ZDHHC14: variants seen among roughly 807,000 people sequenced by gnomAD.
The protein encoded by ZDHHC14 is zDHHC palmitoyltransferase 14, also known as palmitoyltransferase ZDHHC14.
In ZDHHC14, 16 loss-of-function variants were observed where a neutral mutation model predicts 47.7. The ratio of observed to expected loss-of-function variants is 0.34; its 90% CI spans 0.23 to 0.51. ZDHHC14 has a LOEUF of 0.51. ZDHHC14 is among the 20% of genes least tolerant of loss of function. ZDHHC14 has a pLI of 0.97. For synonymous variants in ZDHHC14, 293 were observed against 278.9 expected (o/e 1.05, Z -0.50); for missense variants, 515 against 662.5 (o/e 0.78, Z 2.44).
chr6:157,548,008 G>A (rs1172773068), intron 2 of ZDHHC14, among the ~76,000 whole-genome samples: 1 of 151,656 alleles, frequency 6.6e-6, no homozygotes, highest in Admixed American at 6.6e-5. Context: ...GTAGTCTACT[G>A]GCTGTGGTTG....
chr6:157,422,818 C>G (rs755118315), intron 1 of ZDHHC14, among the ~76,000 whole-genome samples: 3 of 152,136 alleles, frequency 2.0e-5, no homozygotes, highest in Non-Finnish European at 4.4e-5. Flanking sequence ...CCTTTTTATT[C>G]TGTATTTTAT....
At chr6:157,440,246 C>A (rs1270223887) in intron 1 of ZDHHC14, among the ~76,000 whole-genome samples, 1 of 151,768 alleles carries the variant, frequency 6.6e-6, no homozygotes, top group Non-Finnish European at 1.5e-5. Context: ...TAAAAATGGA[C>A]AAAAGGCTCA....
At chr6:157,515,308 T>G (rs1780642578) in intron 1 of ZDHHC14, among the ~76,000 whole-genome samples, 1 of 152,276 alleles carries the variant, frequency 6.6e-6, no homozygotes, top group East Asian at 1.9e-4. Context: ...CCGAATCTTT[T>G]CCATGGTCTT....
intron 8 of ZDHHC14, among the ~76,000 whole-genome samples, chr6:157,668,128 G>T (rs1342113237): frequency 6.6e-6 from 1 of 152,190 alleles, no homozygotes; most frequent in Non-Finnish European, 1.5e-5. Context: ...TAGATACTTA[G>T]GTGCCTGATG....
intron 1 of ZDHHC14, among the ~76,000 whole-genome samples, chr6:157,503,210 C>T (rs1780229211): frequency 6.6e-6 from 1 of 152,194 alleles, no homozygotes; most frequent in Non-Finnish European, 1.5e-5. Context: ...CACCGGCCAC[C>T]TTCCTCTCTG....
At chr6:157,583,806 C>T (rs1783596749) in intron 2 of ZDHHC14, among the ~76,000 whole-genome samples, 1 of 152,144 alleles carries the variant, frequency 6.6e-6, no homozygotes, top group Non-Finnish European at 1.5e-5. Flanking sequence ...AGCTTGGAGG[C>T]AGCAGAGGAA....
chr6:157,470,780 T>C (rs895978287), intron 1 of ZDHHC14, among the ~76,000 whole-genome samples: 2 of 152,210 alleles, frequency 1.3e-5, no homozygotes, highest in African/African-American at 4.8e-5. Flanking sequence ...ACATAGATTG[T>C]CTCCAGCTCA....
At chr6:157,509,511 C>T (rs1780409481) in intron 1 of ZDHHC14, among the ~76,000 whole-genome samples, 1 of 152,142 alleles carries the variant, frequency 6.6e-6, no homozygotes, top group Non-Finnish European at 1.5e-5. Context: ...AAATGACTTT[C>T]CAAGGTCAGT....
intron 3 of ZDHHC14, among the ~76,000 whole-genome samples, chr6:157,606,324 G>A (rs1269308577): frequency 6.6e-6 from 1 of 152,100 alleles, no homozygotes; most frequent in Non-Finnish European, 1.5e-5. Flanking sequence ...AAATTAGCTG[G>A]GCATGGTGGT....
intron 8 of ZDHHC14, among the ~76,000 whole-genome samples, chr6:157,664,655 A>G (rs918111297): frequency 2.6e-5 from 4 of 152,204 alleles, no homozygotes; most frequent in African/African-American, 9.7e-5. Flanking sequence ...TCTTACTCCT[A>G]AGGCACAGCC....
chr6:157,522,942 T>TTTCC (rs1233583900), intron 1 of ZDHHC14, among the ~76,000 whole-genome samples: 1 of 48,198 alleles, frequency 2.1e-5, no homozygotes, highest in Admixed American at 2.4e-4. Flanking sequence ...TCTTTCTTTC[T>TTTCC]TTCCTTCCTT....
intron 1 of ZDHHC14, among the ~76,000 whole-genome samples, chr6:157,453,806 G>A (rs1377047514): frequency 1.3e-5 from 2 of 151,972 alleles, no homozygotes; most frequent in East Asian, 3.9e-4. Context: ...GTGTGTGTGT[G>A]TGTGTGTGTG....
At chr6:157,672,273 G>C (rs1038111713) in intron 8 of ZDHHC14, among the ~76,000 whole-genome samples, 3 of 152,102 alleles carry the variant, frequency 2.0e-5, no homozygotes, top group African/African-American at 7.2e-5. Context: ...TTTGACTTTT[G>C]ACTTACTATC....
In ZDHHC14 at chr6:157,632,864, T is replaced by G. The variant is rs1410842007; in HGVS notation, c.734T>G (p.Leu245Arg). The G allele has an allele frequency of 6.2e-7, 1 of 1,614,124 alleles. No individual in the cohort carries two copies. The highest frequency in any genetic ancestry group is 8.5e-7 in the Non-Finnish European group (1 of 1,180,052). The change falls in exon 5 of 9, where the codon CTT becomes CGT. Residue 245 changes from leucine (L) to arginine (R), a missense_variant. Physicochemically the swap from Leu to Arg is moderately radical, Grantham distance 102. This residue lies in a region of ZDHHC14 where 229 missense variants were observed against 351.5 expected (regional missense o/e 0.65). Coordinates refer to ENST00000359775, the MANE Select transcript of ZDHHC14 (RefSeq NM_024630.3). Reference protein sequence around the residue: ...RSQQTGFLNALKDSPASVLEA... With the variant: ...RSQQTGFLNARKDSPASVLEA... ...CAGCAAACAGGATTCCTAAATGCCC[T>G]TAAGGACAGTCCTGCAAGATATCCT...
chr6:157,593,849 C>T lies in ZDHHC14; in HGVS notation c.565+703C>T, dbSNP rs1784013907. Among the ~76,000 whole-genome samples, 4 of 152,236 alleles carry T rather than the reference C, an allele frequency of 2.6e-5. No homozygotes were observed. In the South Asian group the frequency reaches 8.3e-4, roughly 32 times the overall value. ...GAGCTGCTCCCCACACCCACAGACC[C>T]TCTTCTCTCTGTGGCTGGAGCTGCC... On this transcript the variant is annotated intron_variant, in intron 3 of 8. Coordinates refer to ENST00000359775, the MANE Select transcript of ZDHHC14 (RefSeq NM_024630.3).
intron 2 of ZDHHC14, among the ~76,000 whole-genome samples, chr6:157,580,281 CT>C (rs1371198417): frequency 6.6e-6 from 1 of 152,048 alleles, no homozygotes; most frequent in Non-Finnish European, 1.5e-5. Context: ...TTTTGATGTG[CT>C]GCTAGATTCA....
rs186619528 is a variant in ZDHHC14 at position 157,427,649 on chromosome 6, G to A, written c.245+45383G>A. On this transcript the variant is annotated intron_variant, in intron 1 of 8. Transcript: ENST00000359775. This position sits in a 1 kb window ranked among gnomAD's most constrained non-coding sequence, Gnocchi z 4.4. Reference sequence around the variant, plus strand: ...GAGAACAGAGGGGCCCGCAGGCAGAGGAACGTGAGTATTGAGATGTCGGCA... The same window carrying A: ...GAGAACAGAGGGGCCCGCAGGCAGAAGAACGTGAGTATTGAGATGTCGGCA... Among the ~76,000 whole-genome samples, 1 of 152,248 alleles carries A rather than the reference G, an allele frequency of 6.6e-6. No individual in the cohort carries two copies. The highest frequency in any genetic ancestry group is 1.5e-5 in the Non-Finnish European group (1 of 68,020).
intron 7 of ZDHHC14, among the ~76,000 whole-genome samples, chr6:157,652,884 G>A (rs1313699323): frequency 2.0e-5 from 3 of 152,192 alleles, no homozygotes; most frequent in Non-Finnish European, 4.4e-5. Flanking sequence ...CAGGCAGAAA[G>A]CGATGTATGG....
chr6:157,515,457 CTTTTTTT>C (rs1187323622), intron 1 of ZDHHC14, among the ~76,000 whole-genome samples: 6 of 129,450 alleles, frequency 4.6e-5, no homozygotes, highest in African/African-American at 1.7e-4. Flanking sequence ...TTTTCTTTTT[CTTTTTTT>C]TTTTTTTTTT....
Sources: gnomAD v4.1 joint callset for allele counts (sites outside exome capture counted in the v4.1 genomes callset) on GRCh38, gnomAD v4.1.1 for gene constraint, gnomAD v4.1.1 regional missense constraint, Gnocchi (gnomAD v3.1) non-coding constraint, MANE v1.5 for transcripts, NCBI Gene and HGNC (gene_info 2026-07-23, HGNC 2026-07-21) for gene names.